DESI2: variants seen among roughly 807,000 people sequenced by gnomAD.
The protein encoded by DESI2 is deubiquitinase DESI2.
A neutral mutation model predicts 24.1 loss-of-function variants in DESI2; 10 were observed. The ratio of observed to expected loss-of-function variants is 0.41; its 90% CI spans 0.26 to 0.70. The LOEUF (loss-of-function observed/expected upper bound fraction) is 0.70. Among genes scored for constraint, DESI2 ranks in the 30% least tolerant of loss-of-function variants. The pLI is 0.29. For synonymous variants in DESI2, 71 were observed against 87.7 expected (o/e 0.81, Z 1.06); for missense variants, 122 against 234.9 (o/e 0.52, Z 3.14).
chr1:244,690,572 G>A (rs965956150), intron 3 of DESI2, among the ~76,000 whole-genome samples: 1 of 152,000 alleles, frequency 6.6e-6, no homozygotes, highest in South Asian at 2.1e-4. Context: ...AGGCATGGTG[G>A]TACATGCCTG....
chr1:244,663,770 G>T (rs1675937002), intron 1 of DESI2, among the ~76,000 whole-genome samples: 1 of 152,090 alleles, frequency 6.6e-6, no homozygotes, highest in South Asian at 2.1e-4. Flanking sequence ...TGTAATCCCA[G>T]CACTTTGGGA....
chr1:244,671,826 A>G (rs1463978640), intron 1 of DESI2, among the ~76,000 whole-genome samples: 1 of 152,206 alleles, frequency 6.6e-6, no homozygotes, highest in Admixed American at 6.5e-5. Flanking sequence ...AATGAGGTTA[A>G]ACATATCAAT....
intron 1 of DESI2, among the ~76,000 whole-genome samples, chr1:244,679,990 C>A (rs1241924032): frequency 6.7e-6 from 1 of 148,902 alleles, no homozygotes; most frequent in African/African-American, 2.5e-5. Context: ...CATGTTTTCC[C>A]CAATTGTTCC....
At chr1:244,682,037 T>C (rs1018551809) in intron 1 of DESI2, among the ~76,000 whole-genome samples, 18 of 152,200 alleles carry the variant, frequency 1.2e-4, no homozygotes, top group African/African-American at 4.1e-4. Flanking sequence ...TCTCGCTGAC[T>C]TCAGGAATGA....
intron 1 of DESI2, among the ~76,000 whole-genome samples, chr1:244,662,072 T>A (rs1322836392): frequency 6.6e-6 from 1 of 152,356 alleles, no homozygotes; most frequent in South Asian, 2.1e-4. Flanking sequence ...CAGCACCTGT[T>A]GTTTCCTGAC....
intron 4 of DESI2, 33 bp downstream of exon 4, chr1:244,692,053 A>G (rs1316031171): frequency 1.5e-5 from 23 of 1,548,778 alleles, no homozygotes; most frequent in Non-Finnish European, 1.9e-5. Context: ...AGTTCTTCAA[A>G]TAAATATTTG....
intron 1 of DESI2, among the ~76,000 whole-genome samples, chr1:244,669,770 A>G (rs940278123): frequency 6.6e-6 from 1 of 152,060 alleles, no homozygotes; most frequent in African/African-American, 2.4e-5. Context: ...TTCCTTGGCC[A>G]CCTTCTGTGT....
At chr1:244,663,910 C>T (rs1362103014) in intron 1 of DESI2, among the ~76,000 whole-genome samples, 3 of 148,052 alleles carry the variant, frequency 2.0e-5, no homozygotes, top group Non-Finnish European at 4.5e-5. Context: ...CCCAGCTGCT[C>T]GGGAGGCTGA....
chr1:244,701,272 G>A (rs369290049), intron 4 of DESI2, among the ~76,000 whole-genome samples: 173 of 129,312 alleles, frequency 1.3e-3, no homozygotes, highest in Middle Eastern at 5.8e-3. Context: ...TATGTGACTC[G>A]TGGATCATCT....
chr1:244,690,264 C>T (rs1282582846), intron 3 of DESI2, among the ~76,000 whole-genome samples: 1 of 152,172 alleles, frequency 6.6e-6, no homozygotes, highest in Non-Finnish European at 1.5e-5. Context: ...GTTCCCCGCC[C>T]TGTGTCCAAG....
chr1:244,699,578 C>CAAAAA lies in DESI2; in HGVS notation c.352-5944_352-5940dup, dbSNP rs559295405. ...GCCTAGCAACAGAGTGAGACTGTCT[C>CAAAAA]AAAAAAAAAAAAAAAAAAAAAAAAA... On this transcript the variant is annotated intron_variant, in intron 4 of 4. Transcript: ENST00000302550. 6.8e-4 allele frequency among the ~76,000 whole-genome samples: 45 copies of CAAAAA among 66,216 alleles called. 1 individual carries two copies. The highest frequency in any genetic ancestry group is 1.7e-3 in the East Asian group (3 of 1,732). 43.4% of individuals were successfully genotyped at this position (66,216 alleles called of 152,430 possible). A position where few individuals can be genotyped will look rare whatever the true frequency, so the allele number is the denominator to read the frequency against.
intron 4 of DESI2, among the ~76,000 whole-genome samples, chr1:244,693,280 C>T (rs1422121512): frequency 2.0e-5 from 3 of 152,142 alleles, no homozygotes; most frequent in African/African-American, 4.8e-5. Flanking sequence ...ACATTAAGAA[C>T]GTTATTGAGC....
chr1:244,692,201 G>A (rs1030370124), intron 4 of DESI2, among the ~76,000 whole-genome samples, 181 bp downstream of exon 4: 4 of 152,036 alleles, frequency 2.6e-5, no homozygotes, highest in Admixed American at 6.6e-5. Context: ...TTGAGAGTCC[G>A]CAGTTTTAAA....
At chr1:244,699,124 G>A (rs978491398) in intron 4 of DESI2, among the ~76,000 whole-genome samples, 1 of 152,156 alleles carries the variant, frequency 6.6e-6, no homozygotes, top group Non-Finnish European at 1.5e-5. Context: ...ATTACTAAAT[G>A]CAGCTGTCTC....
chr1:244,683,241 C>G (rs1676680750), intron 1 of DESI2, among the ~76,000 whole-genome samples: 1 of 152,096 alleles, frequency 6.6e-6, no homozygotes, highest in Admixed American at 6.5e-5. Context: ...TTGCTAAAAC[C>G]TGATTTTACA....
intron 1 of DESI2, among the ~76,000 whole-genome samples, chr1:244,684,512 T>C (rs1026090352): frequency 6.6e-6 from 1 of 151,868 alleles, no homozygotes; most frequent in African/African-American, 2.4e-5. Flanking sequence ...AAAAATGTGA[T>C]CATGCTACAC....
intron 4 of DESI2, among the ~76,000 whole-genome samples, chr1:244,695,006 G>C (rs1677162677): frequency 6.6e-6 from 1 of 152,196 alleles, no homozygotes; most frequent in Admixed American, 6.5e-5. Flanking sequence ...AATAAGGCAG[G>C]CTCCATTCCA....
chr1:244,705,017 A>G (rs6692730), intron 4 of DESI2, among the ~76,000 whole-genome samples: 36,659 of 151,982 alleles, frequency 0.24, 4,477 homozygotes, highest in South Asian at 0.35. Flanking sequence ...GACCAGGATG[A>G]GCCCCTTGAA....
chr1:244,686,406 G>A (rs967105813), intron 1 of DESI2, among the ~76,000 whole-genome samples, 191 bp from the exon 2 acceptor site: 3 of 151,858 alleles, frequency 2.0e-5, no homozygotes, highest in South Asian at 2.1e-4. Flanking sequence ...CTCAAATCGC[G>A]ACAATTATTT....
Sources: allele counts gnomAD v4.1 joint callset (sites outside exome capture counted in the v4.1 genomes callset), GRCh38; gene constraint gnomAD v4.1.1; transcripts MANE v1.5; gene names NCBI Gene and HGNC (gene_info 2026-07-23, HGNC 2026-07-21).